The following IL5 variants were observed in gnomAD, a reference collection of about 807,000 sequenced individuals.
IL5 encodes interleukin-5.
In IL5, 12 loss-of-function variants were observed where a neutral mutation model predicts 16.3. The observed-to-expected ratio is 0.74, with a 90% CI of 0.47 to 1.20. The LOEUF (loss-of-function observed/expected upper bound fraction) is 1.20. Among genes scored for constraint, IL5 ranks in the 50% most tolerant of loss-of-function variants. The pLI, the probability that IL5 is intolerant of heterozygous loss-of-function variation, is 0.00. For synonymous variants in IL5, 54 were observed against 56.6 expected (o/e 0.95, Z 0.21); for missense variants, 159 against 153.9 (o/e 1.03, Z -0.17).
chr5:132,545,527 C>T (rs1749769652), upstream of IL5, among the ~76,000 whole-genome samples: 1 of 152,110 alleles, frequency 6.6e-6, no homozygotes, highest in African/African-American at 2.4e-5. Context: ...GTGGCTCACG[C>T]CTGTAATCCC....
chr5:132,555,704 AC>A (rs2149828812), intron 1 of IL5, among the ~76,000 whole-genome samples: 1 of 152,222 alleles, frequency 6.6e-6, no homozygotes, highest in East Asian at 1.9e-4. Context: ...TTCAGTAGAG[AC>A]GGGGTTTCAC....
chr5:132,547,003 G>T (rs1048336068), upstream of IL5, among the ~76,000 whole-genome samples: 1 of 152,114 alleles, frequency 6.6e-6, no homozygotes, highest in Admixed American at 6.6e-5. Context: ...GCCAGCCTGG[G>T]CAACAGAGCG....
intron 1 of IL5, among the ~76,000 whole-genome samples, chr5:132,549,244 C>T (rs2078386): frequency 0.67 from 101,115 of 151,894 alleles, 36,158 homozygotes; most frequent in East Asian, 0.82. Context: ...TTAGTAGAGA[C>T]GGGGTTTCAC....
chr5:132,554,265 G>T (rs1399892407), intron 1 of IL5, among the ~76,000 whole-genome samples: 3 of 151,244 alleles, frequency 2.0e-5, no homozygotes, highest in Non-Finnish European at 2.9e-5. Context: ...TACTCAGGAG[G>T]CTGAGGCAGA....
intron 1 of IL5, among the ~76,000 whole-genome samples, chr5:132,552,505 T>C (rs991539337): frequency 3.9e-5 from 6 of 152,170 alleles, no homozygotes; most frequent in African/African-American, 1.4e-4. Context: ...ATCCTAGAGC[T>C]TTTATCTTAG....
chr5:132,546,822 G>A (rs375466847), upstream of IL5, among the ~76,000 whole-genome samples: 2 of 152,040 alleles, frequency 1.3e-5, no homozygotes, highest in East Asian at 1.9e-4. Flanking sequence ...TCAGGAGATC[G>A]AGACCATCCT....
At chr5:132,551,542 G>C (rs1374633979) in intron 1 of IL5, among the ~76,000 whole-genome samples, 1 of 138,800 alleles carries the variant, frequency 7.2e-6, no homozygotes, top group Non-Finnish European at 1.5e-5. Context: ...GTCTGCGTGT[G>C]TGTGTGTGTG....
At chr5:132,550,315 A>G (rs1241049453) in intron 1 of IL5, among the ~76,000 whole-genome samples, 1 of 151,806 alleles carries the variant, frequency 6.6e-6, no homozygotes, top group East Asian at 1.9e-4. Flanking sequence ...CCAATGCAGA[A>G]AAAAGAAATC....
chr5:132,546,242 C>T (rs1294354014), upstream of IL5, among the ~76,000 whole-genome samples: 1 of 152,062 alleles, frequency 6.6e-6, no homozygotes, highest in African/African-American at 2.4e-5. Context: ...TGTTGTGTGA[C>T]AAATCTCCAG....
intron 2 of IL5, 108 bp from the exon 3 acceptor site, chr5:132,542,251 CAATA>C: frequency 3.6e-6 from 2 of 561,576 alleles, no homozygotes; most frequent in Non-Finnish European, 6.0e-6. Context: ...ATATTGTACA[CAATA>C]AATATATATA....
Position 132,542,059 on chromosome 5 carries a change from A to G in IL5, c.262T>C (p.Phe88Leu). 1.2e-6 allele frequency: 2 copies of G among 1,613,798 alleles called. No individual in the cohort carries two copies. The highest frequency in any genetic ancestry group is 2.7e-5 in the African/African-American group (2 of 75,028). ...TVQGGTVERLFKNLSLIKKYI... is the reference protein window; with the variant it reads ...TVQGGTVERLLKNLSLIKKYI... ...TTCTTTATTAAGGACAAGTTTTTGA[A>G]TAGTCTTTCCACAGTACCCCCTTGC... The change falls in exon 3 of 4, where the codon TTC (phenylalanine) becomes CTC (leucine). Residue 88 changes from phenylalanine (F) to leucine (L), a missense_variant. By Grantham distance (22) the Phe-to-Leu change is conservative. Coordinates refer to ENST00000231454, the MANE Select transcript of IL5 (RefSeq NM_000879.3).
At chr5:132,553,035 C>T (rs910372416) in intron 1 of IL5, among the ~76,000 whole-genome samples, 1 of 152,172 alleles carries the variant, frequency 6.6e-6, no homozygotes, top group Non-Finnish European at 1.5e-5. Context: ...AATTTCCCTA[C>T]TTATCTCCCA....
intron 1 of IL5, among the ~76,000 whole-genome samples, chr5:132,554,290 G>A (rs1220047529): frequency 1.4e-5 from 2 of 148,034 alleles, no homozygotes; most frequent in Non-Finnish European, 3.0e-5. Flanking sequence ...TCACTTGAAC[G>A]CGGGAGGTGG....
At chr5:132,553,938 T>TAAAA (rs57467548) in intron 1 of IL5, among the ~76,000 whole-genome samples, 1 of 87,304 alleles carries the variant, frequency 1.1e-5, no homozygotes, top group African/African-American at 4.7e-5. Flanking sequence ...GACTCCGTCT[T>TAAAA]AAAAAAAAAA....
At chr5:132,547,983 T>C (rs1302804503), upstream of IL5, among the ~76,000 whole-genome samples, 4 of 152,024 alleles carry the variant, frequency 2.6e-5, no homozygotes, top group Admixed American at 2.0e-4. Context: ...GCAGGAGAAT[T>C]ACTTGAACCC....
chr5:132,543,024 T>C, intron 2 of IL5, 70 bp downstream of exon 2: 1 of 1,151,808 alleles, frequency 8.7e-7, no homozygotes, highest in Admixed American at 1.8e-5. Context: ...TGATAACTAA[T>C]GATTTACAGC....
intron 1 of IL5, among the ~76,000 whole-genome samples, chr5:132,550,761 G>A (rs1050828764): frequency 1.7e-4 from 26 of 152,180 alleles, no homozygotes; most frequent in African/African-American, 6.0e-4. Context: ...GGCTTTAAAG[G>A]TTTTGCTAAT....
upstream of IL5, chr5:132,543,740 TAATA>T: frequency 3.4e-6 from 1 of 296,892 alleles, no homozygotes; most frequent in Non-Finnish European, 6.2e-6. Context: ...ATCTTTGGGT[TAATA>T]CATCATTGCC....
chr5:132,550,330 T>C (rs1749863689), intron 1 of IL5, among the ~76,000 whole-genome samples: 1 of 151,412 alleles, frequency 6.6e-6, no homozygotes, highest in Non-Finnish European at 1.5e-5. Flanking sequence ...GAAATCTTTT[T>C]TTTTTTTTTT....
Sources: gnomAD v4.1 joint callset for allele counts (sites outside exome capture counted in the v4.1 genomes callset) on GRCh38, gnomAD v4.1.1 for gene constraint, MANE v1.5 for transcripts, NCBI Gene and HGNC (gene_info 2026-07-23, HGNC 2026-07-21) for gene names.